SURF6: variants seen among roughly 807,000 people sequenced by gnomAD.
SURF6 encodes the protein surfeit 6.
SURF6 carries 28 observed loss-of-function variants against 37.5 expected under a neutral mutation model. The observed-to-expected ratio is 0.75, with a 90% CI of 0.55 to 1.02. SURF6 has a LOEUF of 1.02. Among genes scored for constraint, SURF6 ranks in the 50% least tolerant of loss-of-function variants. The pLI, the probability that SURF6 is intolerant of heterozygous loss-of-function variation, is 0.00. For missense variants in SURF6, 560 were observed against 490.5 expected, an observed-to-expected ratio of 1.14 and a Z score of -1.34; for synonymous variants, 248 against 210.9, an observed-to-expected ratio of 1.18 and a Z score of -1.52.
rs2129933367 is a variant in SURF6, at chr9:133,336,001, C to T, written c.94+38G>A. 6 of 1,578,506 alleles carry T rather than the reference C, an allele frequency of 3.8e-6. No individual in the cohort carries two copies. The African/African-American group carries it at 8.2e-5, about 22-fold the overall frequency. ...CCGGCTCCGGCCGCGTCCCCCGTTT[C>T]GCAGGCCCCTTAGTCCCGGCCCGGC... On this transcript the variant is annotated intron_variant, in intron 1 of 4. Transcript: ENST00000372022.
intron 2 of SURF6, among the ~76,000 whole-genome samples, chr9:133,334,179 C>T (rs1835816042): frequency 6.6e-6 from 1 of 152,234 alleles, no homozygotes; most frequent in Non-Finnish European, 1.5e-5. Context: ...GCCTTGCCCC[C>T]TGACATCCTG....
intron 2 of SURF6, 126 bp downstream of exon 2, chr9:133,334,266 G>A (rs1041672929): frequency 3.6e-6 from 3 of 830,874 alleles, no homozygotes; most frequent in Non-Finnish European, 5.5e-6. Context: ...TTTGCTCTTG[G>A]GGAAGTCTCG....
rs2129926659 is a variant in SURF6, at chr9:133,334,352, C to T, written c.304+40G>A. On this transcript the variant is annotated intron_variant, in intron 2 of 4. Coordinates refer to ENST00000372022, the MANE Select transcript of SURF6 (RefSeq NM_006753.6). Reference sequence around the variant, plus strand: ...GACCAAGCCCAAGCCCAGCCCCAGCCCCGCCCTGCACAGAACCAACATGCC... The same window carrying T: ...GACCAAGCCCAAGCCCAGCCCCAGCTCCGCCCTGCACAGAACCAACATGCC... 4.5e-6 allele frequency: 7 copies of T among 1,555,808 alleles called. No individual in the cohort carries two copies. In the East Asian group the frequency reaches 1.1e-4, roughly 25 times the overall value.
chr9:133,333,913 C>A, intron 2 of SURF6, 107 bp from the exon 3 acceptor site: 1 of 898,320 alleles, frequency 1.1e-6, no homozygotes, highest in Non-Finnish European at 1.8e-6. Context: ...ATCTGCAGGG[C>A]AATTCCAGTA....
intron 1 of SURF6, among the ~76,000 whole-genome samples, chr9:133,335,289 C>T (rs2129930553): frequency 6.8e-6 from 1 of 147,214 alleles, no homozygotes; most frequent in Non-Finnish European, 1.5e-5. Flanking sequence ...AGAAATCAGT[C>T]TAAGTAAAGT....
intron 3 of SURF6, among the ~76,000 whole-genome samples, chr9:133,333,173 C>G (rs1835791940): frequency 6.6e-6 from 1 of 152,110 alleles, no homozygotes. Flanking sequence ...CATCCCCGGG[C>G]CAACAAGAGC....
intron 1 of SURF6, among the ~76,000 whole-genome samples, chr9:133,335,773 G>A (rs2129932610): frequency 2.0e-5 from 3 of 152,084 alleles, no homozygotes; most frequent in African/African-American, 4.8e-5. Context: ...CTACTCGGGA[G>A]GCTGAGGCAG....
In SURF6 at chr9:133,332,668, C is replaced by A. The variant is rs1299086931; in HGVS notation, c.486G>T (p.Leu162=). The A allele has an allele frequency of 6.2e-7, 1 of 1,612,230 alleles. No homozygotes were observed. Among genetic ancestry groups the A allele is most frequent in the African/African-American group, 1.3e-5 (1 of 75,074 alleles). Residue 162 remains leucine, a synonymous_variant, in exon 4 of 5, where the codon CTG becomes CTT. Transcript: ENST00000372022. ...RDRKKRKRKE[L]RAKEKARKAE... ...CCTTCCTGGCCTTCTCTTTCGCCCG[C>A]AGCTCCTTTCGCTTCCTCTTCTTCC...
Position 133,331,498 on chromosome 9 carries a change from C to T in SURF6, c.*371G>A. On this transcript the variant is annotated 3_prime_UTR_variant, in exon 5 of 5. Transcript: ENST00000372022. ...GCAGCAGAGGCCACCGTCTTCTGTC[C>T]CGTGGCTCCTGCGAACACAGGCAGT... 1 of 223,838 alleles carries T rather than the reference C, an allele frequency of 4.5e-6. No individual in the cohort carries two copies. The allele number at this position is 223,838 out of a possible 1,614,324, so 13.9% of individuals were successfully genotyped here. A position where few individuals can be genotyped will look rare whatever the true frequency, so the allele number is the denominator to read the frequency against.
rs2129916277 is a variant in SURF6, at chr9:133,332,209, C to T, written c.746G>A (p.Arg249Gln). Residue 249 changes from arginine (R) to glutamine (Q), a missense_variant, in exon 5 of 5, where the codon CGG (arginine) becomes CAG (glutamine). By Grantham distance (43) the Arg-to-Gln change is conservative. Transcript: ENST00000372022. ...LLERLQARQS[R>Q]LDELRGQDEG... ...ATCCTGGCCGCGCAGCTCGTCCAGCCGGCTCTGCCGTGCCTGCAGGCGCTC... is the reference window on the plus strand; with the variant it reads ...ATCCTGGCCGCGCAGCTCGTCCAGCTGGCTCTGCCGTGCCTGCAGGCGCTC... 8.7e-6 allele frequency: 14 copies of T among 1,608,122 alleles called. No homozygotes were observed. In the East Asian group the frequency reaches 2.7e-4, roughly 31 times the overall value.
At chr9:133,332,407 CAGTACCCT>C in intron 4 of SURF6, 59 bp from the exon 5 acceptor site, 1 of 1,534,916 alleles carries the variant, frequency 6.5e-7, no homozygotes, top group Non-Finnish European at 8.7e-7. Flanking sequence ...CAGCCTTGGC[CAGTACCCT>C]AAGGGACCTG....
rs2129919225 is a variant in SURF6, at chr9:133,332,566, G to GGGCGGCTCC, written c.579_587dup (p.Glu194_Pro196dup). ...CGCTCACCTTATTGAAGATCAGCCCGGGCGGCTCCCGCGGCTCCGTGCAGG... is the reference window on the plus strand; with the variant it reads ...CGCTCACCTTATTGAAGATCAGCCCGGGCGGCTCCGGCGGCTCCCGCGGCTCCGTGCAGG... On this transcript the variant is annotated inframe_insertion, in exon 4 of 5. Coordinates refer to ENST00000372022, the MANE Select transcript of SURF6 (RefSeq NM_006753.6). 21 of 1,608,898 alleles carry GGGCGGCTCC rather than the reference G, an allele frequency of 1.3e-5. No individual in the cohort carries two copies. The highest frequency in any genetic ancestry group is 1.7e-5 in the Admixed American group (1 of 59,992).
chr9:133,336,139 G>A lies in SURF6; in HGVS notation c.-7C>T, dbSNP rs1404914182. 1.2e-6 allele frequency: 2 copies of A among 1,609,832 alleles called. No homozygotes were observed. The highest frequency in any genetic ancestry group is 8.5e-7 in the Non-Finnish European group (1 of 1,179,022). On this transcript the variant is annotated 5_prime_UTR_variant, in exon 1 of 5. Transcript: ENST00000372022. Reference sequence around the variant, plus strand: ...TGGCGAGTAGAGAGGCCATGGCGGAGACCCGGGCCGTTCACGACTCACACC... The same window carrying A: ...TGGCGAGTAGAGAGGCCATGGCGGAAACCCGGGCCGTTCACGACTCACACC...
intron 1 of SURF6, among the ~76,000 whole-genome samples, chr9:133,335,086 A>T (rs2129929885): frequency 2.0e-5 from 3 of 152,262 alleles, no homozygotes; most frequent in African/African-American, 7.2e-5. Context: ...CAGCCTCCGG[A>T]GTAGCTGGGA....
At chr9:133,333,933 C>T in intron 2 of SURF6, 127 bp from the exon 3 acceptor site, 1 of 752,644 alleles carries the variant, frequency 1.3e-6, no homozygotes, top group South Asian at 1.6e-5. Flanking sequence ...AAATTCCACT[C>T]CACCGCTTCA....
At position 133,332,733 on chromosome 9, in the gene SURF6, C is replaced by T. The variant is rs148876625; in HGVS notation, c.421G>A (p.Ala141Thr). 74 of 1,611,356 alleles carry T rather than the reference C, an allele frequency of 4.6e-5. No homozygotes were observed. The African/African-American group carries it at 7.3e-4, about 16-fold the overall frequency. The stretch of plus-strand genomic sequence containing the variant: ...TTTCTCCGCCGCCTTTTCTCCAAGG[C>T]GGCAGGGGACAGCTCCTTGGCACTG... ...QGSAKELSPA[A>T]LEKRRRRKQE... Residue 141 changes from alanine to threonine, a missense_variant, in exon 4 of 5, where the codon GCC (alanine) becomes ACC (threonine). Transcript: ENST00000372022.
In SURF6 at chr9:133,332,318, T is replaced by G; in HGVS notation, c.637A>C (p.Lys213Gln). The change falls in exon 5 of 5, where the codon AAG (lysine) becomes CAG (glutamine). Residue 213 changes from lysine to glutamine, a missense_variant. By Grantham distance (53) the Lys-to-Gln change is moderately conservative (BLOSUM62 1). Coordinates refer to ENST00000372022, the MANE Select transcript of SURF6 (RefSeq NM_006753.6). The stretch of plus-strand genomic sequence containing the variant: ...CTCTTCTCTTTTCTGCGCTGCGCCT[T>G]GCTGGCCGGCTCGTCTTCGCTCACC... ...VEVSEDEPAS[K>Q]AQRRKEKRQR... 5.0e-6 allele frequency: 8 copies of G among 1,589,686 alleles called. No individual in the cohort carries two copies. The highest frequency in any genetic ancestry group is 6.8e-6 in the Non-Finnish European group (8 of 1,170,364).
intron 1 of SURF6, among the ~76,000 whole-genome samples, chr9:133,335,372 T>C (rs1388512025): frequency 1.3e-5 from 2 of 151,844 alleles, no homozygotes; most frequent in African/African-American, 2.4e-5. Context: ...GAAGACATAC[T>C]AGGTAATGAG....
In SURF6 at chr9:133,332,060, G is replaced by GCTTCT; in HGVS notation, c.890_894dup (p.Arg300SerfsTer84). The stretch of plus-strand genomic sequence containing the variant: ...CACCGGCGCTGCCGCTGCGCCCTGC[G>GCTTCT]CTTCTCCTTGCGCTTCAGGGCCTCC... On this transcript the variant is annotated frameshift_variant, in exon 5 of 5. Transcript: ENST00000372022. LOFTEE classifies it high-confidence loss of function. 1 of 1,605,718 alleles carries GCTTCT rather than the reference G, an allele frequency of 6.2e-7. No homozygotes were observed.
Sources: allele counts gnomAD v4.1 joint callset (sites outside exome capture counted in the v4.1 genomes callset), GRCh38; gene constraint gnomAD v4.1.1; transcripts MANE v1.5; gene names NCBI Gene and HGNC (gene_info 2026-07-23, HGNC 2026-07-21).